PRKG1: variants seen among roughly 807,000 people sequenced by gnomAD.
PRKG1 encodes the protein protein kinase cGMP-dependent 1, also known as cGMP-dependent protein kinase 1.
A neutral mutation model predicts 88.1 loss-of-function variants in PRKG1; 35 were observed. The observed-to-expected ratio is 0.40, with a 90% CI of 0.30 to 0.53. The LOEUF (loss-of-function observed/expected upper bound fraction) is 0.53, where lower values mean the gene tolerates loss of function less well. PRKG1 is among the 20% of genes least tolerant of loss of function. The pLI is 0.59. For missense variants in PRKG1, 540 were observed against 839.8 expected, an observed-to-expected ratio of 0.64 and a Z score of 4.41; for synonymous variants, 303 against 292.5, an observed-to-expected ratio of 1.04 and a Z score of -0.37.
chr10:51,363,881 C>A (rs1029542072), intron 2 of PRKG1, among the ~76,000 whole-genome samples: 2 of 151,910 alleles, frequency 1.3e-5, no homozygotes, highest in African/African-American at 4.8e-5. Context: ...TTTCTTATTT[C>A]TTTAGAGTGA....
At chr10:51,023,086 C>T (rs1843161627) in intron 1 of PRKG1, among the ~76,000 whole-genome samples, 1 of 152,178 alleles carries the variant, frequency 6.6e-6, no homozygotes, top group African/African-American at 2.4e-5. Flanking sequence ...GTAGAAAGGC[C>T]ATTTGACAGA....
intron 2 of PRKG1, among the ~76,000 whole-genome samples, chr10:51,177,706 CCTAAGA>C (rs1338574465): frequency 2.6e-5 from 4 of 151,954 alleles, no homozygotes; most frequent in Non-Finnish European, 4.4e-5. Flanking sequence ...TTATAGAAAT[CCTAAGA>C]CTGACATTAA....
At chr10:51,467,284 A>G (rs1839929170) in intron 2 of PRKG1, among the ~76,000 whole-genome samples, 3 of 152,024 alleles carry the variant, frequency 2.0e-5, no homozygotes, top group African/African-American at 2.4e-5. Context: ...AGAATTAAAT[A>G]ATGGCAAAGG....
chr10:52,052,424 A>AAATAAT (rs143155555), intron 5 of PRKG1, among the ~76,000 whole-genome samples: 27,316 of 150,108 alleles, frequency 0.18, 2,798 homozygotes, highest in Admixed American at 0.28. Flanking sequence ...AAAAAAAATA[A>AAATAAT]AATAATAATA....
chr10:52,159,776 A>T (rs1838231163), intron 8 of PRKG1, among the ~76,000 whole-genome samples: 2 of 151,468 alleles, frequency 1.3e-5, no homozygotes, highest in Non-Finnish European at 3.0e-5. Flanking sequence ...GATTTTTTTA[A>T]AAAAAACTAC....
intron 9 of PRKG1, among the ~76,000 whole-genome samples, chr10:52,240,708 A>T (rs999084702): frequency 2.0e-5 from 3 of 152,072 alleles, no homozygotes; most frequent in Non-Finnish European, 4.4e-5. Context: ...CATGGTAAAA[A>T]TTTTGCTCCA....
At chr10:51,791,852 G>A (rs934718308) in intron 3 of PRKG1, among the ~76,000 whole-genome samples, 1 of 152,046 alleles carries the variant, frequency 6.6e-6, no homozygotes, top group Non-Finnish European at 1.5e-5. Context: ...AATAACTGGA[G>A]TAAAGACCTG....
chr10:51,276,655 T>C (rs1840127649), intron 2 of PRKG1, among the ~76,000 whole-genome samples: 1 of 152,178 alleles, frequency 6.6e-6, no homozygotes, highest in Non-Finnish European at 1.5e-5. Flanking sequence ...ATGATTGCCA[T>C]TCTAACTGGT....
chr10:51,940,732 G>A (rs1842889330), intron 5 of PRKG1, among the ~76,000 whole-genome samples: 1 of 151,700 alleles, frequency 6.6e-6, no homozygotes, highest in South Asian at 2.1e-4. Flanking sequence ...CTTCAACTTT[G>A]CCATGTTATT....
chr10:51,511,443 C>T (rs1564529067), intron 3 of PRKG1, among the ~76,000 whole-genome samples: 2 of 152,062 alleles, frequency 1.3e-5, no homozygotes, highest in Admixed American at 6.6e-5. Flanking sequence ...TGACTTACTT[C>T]CCACAAAGGA....
chr10:52,175,853 G>A (rs1838850246), intron 9 of PRKG1, among the ~76,000 whole-genome samples: 1 of 151,932 alleles, frequency 6.6e-6, no homozygotes, highest in Non-Finnish European at 1.5e-5. Flanking sequence ...TTTGGTTTTT[G>A]CTGTTGAGAT....
intron 2 of PRKG1, chr10:51,320,792 A>G (rs1841434869): frequency 6.6e-6 from 1 of 152,232 alleles, no homozygotes; most frequent in South Asian, 2.1e-4. Flanking sequence ...AATGTATTTT[A>G]TAACTCAACA....
chr10:51,806,512 A>T (rs766573708), intron 4 of PRKG1, among the ~76,000 whole-genome samples: 1 of 152,168 alleles, frequency 6.6e-6, no homozygotes, highest in Admixed American at 6.5e-5. Context: ...CTGGCTGAAT[A>T]AAAAAAGAGG....
At chr10:51,174,988 A>T (rs2132015122) in intron 2 of PRKG1, among the ~76,000 whole-genome samples, 1 of 152,104 alleles carries the variant, frequency 6.6e-6, no homozygotes, top group African/African-American at 2.4e-5. Flanking sequence ...GTTGTGAGTA[A>T]TTTTTGTCTT....
At chr10:51,228,413 G>T (rs959930162) in intron 2 of PRKG1, among the ~76,000 whole-genome samples, 2 of 152,166 alleles carry the variant, frequency 1.3e-5, no homozygotes, top group Non-Finnish European at 2.9e-5. Flanking sequence ...TGGTTATGCA[G>T]TTGGTTAATT....
intron 1 of PRKG1, 116 bp downstream of exon 1, chr10:51,075,017 A>G: frequency 7.3e-7 from 1 of 1,375,056 alleles, no homozygotes; most frequent in Non-Finnish European, 9.7e-7. Context: ...CCTCATCCTC[A>G]GAAATGTTTC....
chr10:51,830,836 A>G (rs1261180797), intron 4 of PRKG1, among the ~76,000 whole-genome samples: 2 of 152,134 alleles, frequency 1.3e-5, no homozygotes. Flanking sequence ...TGCTGGTATT[A>G]CAGGCGTTAG....
intron 5 of PRKG1, among the ~76,000 whole-genome samples, chr10:51,951,652 CA>C (rs1250022624): frequency 2.7e-5 from 4 of 150,730 alleles, no homozygotes; most frequent in Admixed American, 2.0e-4. Context: ...AGATAGTTTC[CA>C]GACATTGGGA....
chr10:51,528,064 A>G (rs577617323), intron 3 of PRKG1, among the ~76,000 whole-genome samples: 122 of 152,284 alleles, frequency 8.0e-4, no homozygotes, highest in East Asian at 2.1e-3. Context: ...AATATTCCCT[A>G]TCATCCAATT....
Sources: allele counts gnomAD v4.1 joint callset (sites outside exome capture counted in the v4.1 genomes callset), GRCh38; gene constraint gnomAD v4.1.1; transcripts MANE v1.5; gene names NCBI Gene and HGNC (gene_info 2026-07-23, HGNC 2026-07-21).